The following GPATCH2L variants were observed in gnomAD, a reference collection of about 807,000 sequenced individuals.
GPATCH2L encodes the protein G-patch domain containing 2 like.
A neutral mutation model predicts 57.4 loss-of-function variants in GPATCH2L; 31 were observed. That is an observed-to-expected ratio of 0.54 (90% CI 0.41 to 0.73). GPATCH2L has a LOEUF of 0.73. GPATCH2L is among the 30% of genes least tolerant of loss of function. GPATCH2L has a pLI of 0.00. For missense variants in GPATCH2L, 481 were observed against 599.9 expected, an observed-to-expected ratio of 0.80 and a Z score of 2.07; for synonymous variants, 199 against 210.7, an observed-to-expected ratio of 0.94 and a Z score of 0.48.
intron 2 of GPATCH2L, among the ~76,000 whole-genome samples, chr14:76,231,499 C>T (rs1439633502): frequency 6.6e-6 from 1 of 151,900 alleles, no homozygotes; most frequent in African/African-American, 2.4e-5. Context: ...TCTTTCTTTC[C>T]TTTTGGTGAC....
intron 4 of GPATCH2L, among the ~76,000 whole-genome samples, chr14:76,173,070 G>C (rs868359292): frequency 3.3e-5 from 5 of 152,270 alleles, no homozygotes; most frequent in South Asian, 4.1e-4. Context: ...GTTTCCTCCA[G>C]TTGTTCTTTC....
rs1200688481 is a variant in GPATCH2L, at chr14:76,204,304, G to T, written c.*2453G>T. 1 of 152,168 alleles carries T rather than the reference G, an allele frequency of 6.6e-6. No homozygotes were observed. The highest frequency in any genetic ancestry group is 1.5e-5 in the Non-Finnish European group (1 of 68,044). The allele number at this position is 152,168 out of a possible 1,614,324, so 9.4% of individuals were successfully genotyped here. A position where few individuals can be genotyped will look rare whatever the true frequency, so the allele number is the denominator to read the frequency against. ...ACACATTTTGAATACTTTCAACAGG[G>T]ATTACCCAAGAATGCAACATCTACC... is the stretch of plus-strand genomic sequence containing the variant. On this transcript the variant is annotated 3_prime_UTR_variant, in exon 10 of 10. Transcript: ENST00000261530.
At position 76,178,050 on chromosome 14, in the gene GPATCH2L, T is replaced by G. The variant is rs781319872; in HGVS notation, c.1107+8T>G. On this transcript the variant is annotated splice_region_variant and intron_variant, in intron 7 of 9. Coordinates refer to ENST00000261530, the MANE Select transcript of GPATCH2L (RefSeq NM_017926.4). The stretch of plus-strand genomic sequence containing the variant: ...TCTGCTTGTGCACATGAGGTAAGGT[T>G]TCCTCTTTCTTGTTATTTTGATTTT... The G allele has an allele frequency of 1.3e-6, 2 of 1,590,162 alleles. No homozygotes were observed. The highest frequency in any genetic ancestry group is 1.7e-5 in the Admixed American group (1 of 59,940).
rs1272150288 is a variant in GPATCH2L at position 76,214,318 on chromosome 14, C to CT, written c.*12468dup. Reference sequence around the variant, plus strand: ...TGTGCATTTCTTGCTAAGCTTATCCCTAAGTATTTAATTTATTTGCTAGTA... The same window carrying CT: ...TGTGCATTTCTTGCTAAGCTTATCCCTTAAGTATTTAATTTATTTGCTAGTA... On this transcript the variant is annotated 3_prime_UTR_variant, in exon 10 of 10. Transcript: ENST00000261530. The CT allele has an allele frequency of 1.3e-5, 2 of 152,092 alleles. No individual in the cohort carries two copies. Among genetic ancestry groups the CT allele is most frequent in the African/African-American group, 4.8e-5 (2 of 41,402 alleles). 9.4% of individuals were successfully genotyped at this position (152,092 alleles called of 1,614,324 possible).
intron 8 of GPATCH2L, among the ~76,000 whole-genome samples, chr14:76,195,614 G>A (rs75600197): frequency 7.9e-4 from 121 of 152,258 alleles, no homozygotes; most frequent in African/African-American, 2.8e-3. Flanking sequence ...AAATAAGCAT[G>A]TAATGCAACA....
chr14:76,194,960 C>T (rs1566810920), intron 8 of GPATCH2L, among the ~76,000 whole-genome samples: 1 of 151,950 alleles, frequency 6.6e-6, no homozygotes, highest in Non-Finnish European at 1.5e-5. Flanking sequence ...TCTCAAGATC[C>T]CTGTTCTTAA....
rs1420390172 is a variant in GPATCH2L, at chr14:76,173,534, T to G, written c.905-12T>G. 4 of 1,589,676 alleles carry G rather than the reference T, an allele frequency of 2.5e-6. No homozygotes were observed. Among genetic ancestry groups the G allele is most frequent in the Non-Finnish European group, 2.6e-6 (3 of 1,162,530 alleles). ...CTGCATTCGGTATCTGAGGCCTTCCTTCTTTTTTTAGGGTACCATACTCGC... is the reference window on the plus strand; with the variant it reads ...CTGCATTCGGTATCTGAGGCCTTCCGTCTTTTTTTAGGGTACCATACTCGC... On this transcript the variant is annotated splice_polypyrimidine_tract_variant and intron_variant, in intron 4 of 9. Coordinates refer to ENST00000261530, the MANE Select transcript of GPATCH2L (RefSeq NM_017926.4).
intron 1 of GPATCH2L, chr14:76,153,109 G>A (rs2038132503): frequency 4.1e-6 from 1 of 241,048 alleles, no homozygotes. Flanking sequence ...TACAGGTGTG[G>A]CAGATAAGCC....
intron 4 of GPATCH2L, 76 bp from the exon 5 acceptor site, chr14:76,173,470 C>T: frequency 1.1e-6 from 1 of 870,650 alleles, no homozygotes; most frequent in Non-Finnish European, 1.8e-6. Flanking sequence ...GGGGTAAAGC[C>T]TTCAGTGTAC....
At chr14:76,161,143 TG>T (rs1370364337) in intron 2 of GPATCH2L, among the ~76,000 whole-genome samples, 1 of 152,202 alleles carries the variant, frequency 6.6e-6, no homozygotes, top group African/African-American at 2.4e-5. Flanking sequence ...GGGTTACCAG[TG>T]TGCCACCTCT....
chr14:76,200,473 T>C (rs1441572395), intron 9 of GPATCH2L, among the ~76,000 whole-genome samples: 2 of 152,116 alleles, frequency 1.3e-5, no homozygotes, highest in African/African-American at 4.8e-5. Flanking sequence ...CTGAGTTTGT[T>C]GTGAGTGTGT....
chr14:76,159,666 C>A (rs1594908667), intron 2 of GPATCH2L, among the ~76,000 whole-genome samples: 1 of 152,250 alleles, frequency 6.6e-6, no homozygotes, highest in Middle Eastern at 3.4e-3. Flanking sequence ...TGTACTGTCT[C>A]CAGAATGCAC....
intron 1 of GPATCH2L, among the ~76,000 whole-genome samples, chr14:76,220,991 TTGGTTCTC>T (rs1345607816): frequency 6.6e-6 from 1 of 151,806 alleles, no homozygotes; most frequent in African/African-American, 2.4e-5. Flanking sequence ...AACCCAGAGA[TTGGTTCTC>T]TGAAAAGACT....
chr14:76,217,255 G>A (rs966426879), downstream of GPATCH2L, among the ~76,000 whole-genome samples: 1 of 152,098 alleles, frequency 6.6e-6, no homozygotes, highest in Non-Finnish European at 1.5e-5. Context: ...TAACAAAAGA[G>A]GAGACCATGG....
At chr14:76,174,859 C>G (rs184865130) in intron 5 of GPATCH2L, 1 of 151,958 alleles carries the variant, frequency 6.6e-6, no homozygotes, top group African/African-American at 2.4e-5. Flanking sequence ...GGTCTCAAAC[C>G]CCTGACCTCA....
chr14:76,166,019 A>G (rs1324230787), intron 2 of GPATCH2L, among the ~76,000 whole-genome samples: 1 of 152,266 alleles, frequency 6.6e-6, no homozygotes, highest in African/African-American at 2.4e-5. Context: ...ACTGTGAGCA[A>G]TAGCTCAGAA....
Position 76,171,903 on chromosome 14 carries a change from CT to C in GPATCH2L, c.789del (p.Asn264IlefsTer14). ...GAATGTGTCCCAGGATTCACTGTCCCTAATCTTCTGCCCAAGTGGGCTCCTG... is the reference window on the plus strand; with the variant it reads ...GAATGTGTCCCAGGATTCACTGTCCCAATCTTCTGCCCAAGTGGGCTCCTG... ...EGECVPGFTV[P>X]NLLPKWAPDH... On this transcript the variant is annotated frameshift_variant, in exon 4 of 10. Transcript: ENST00000261530. LOFTEE classifies it high-confidence loss of function. 1.2e-6 allele frequency: 2 copies of C among 1,609,840 alleles called. No homozygotes were observed. The highest frequency in any genetic ancestry group is 1.7e-6 in the Non-Finnish European group (2 of 1,176,648).
Position 76,166,557 on chromosome 14 carries a change from A to G in GPATCH2L, c.663-106A>G, listed in dbSNP as rs543162785. 1.0e-4 allele frequency: 69 copies of G among 661,748 alleles called. No homozygotes were observed. In the South Asian group the frequency reaches 1.3e-3, roughly 12 times the overall value. The allele number at this position is 661,748 out of a possible 1,614,324, so 41.0% of individuals were successfully genotyped here. A position where few individuals can be genotyped will look rare whatever the true frequency, so the allele number is the denominator to read the frequency against. Reference sequence around the variant, plus strand: ...ATGAAATTTACATATCTGATTGACTAACAGGTTGGAGTGAAATTAGGGAAG... The same window carrying G: ...ATGAAATTTACATATCTGATTGACTGACAGGTTGGAGTGAAATTAGGGAAG... On this transcript the variant is annotated intron_variant, in intron 2 of 9. Transcript: ENST00000261530.
At chr14:76,215,214 A>G (rs1304623048), downstream of GPATCH2L, among the ~76,000 whole-genome samples, 2 of 152,152 alleles carry the variant, frequency 1.3e-5, no homozygotes, top group African/African-American at 4.8e-5. Context: ...AACCACAATG[A>G]GATACCATCT....
Sources: allele counts gnomAD v4.1 joint callset (sites outside exome capture counted in the v4.1 genomes callset), GRCh38; gene constraint gnomAD v4.1.1; transcripts MANE v1.5; gene names NCBI Gene and HGNC (gene_info 2026-07-23, HGNC 2026-07-21).